The following PRMT8 variants were observed in gnomAD, a reference collection of about 807,000 sequenced individuals.
The protein encoded by PRMT8 is protein arginine methyltransferase 8.
A neutral mutation model predicts 47.1 loss-of-function variants in PRMT8; 7 were observed. That is an observed-to-expected ratio of 0.15 (90% CI 0.08 to 0.28). PRMT8 has a LOEUF of 0.28. Among genes scored for constraint, PRMT8 ranks in the 10% least tolerant of loss-of-function variants. PRMT8 has a pLI of 1.00. For missense variants in PRMT8, 237 were observed against 505.4 expected (o/e 0.47, Z 5.09); for synonymous variants, 188 against 186.5 (o/e 1.01, Z -0.07).
At chr12:3,519,248 A>T (rs1319120961) in intron 1 of PRMT8, among the ~76,000 whole-genome samples, 1 of 152,178 alleles carries the variant, frequency 6.6e-6, no homozygotes, top group Non-Finnish European at 1.5e-5. Context: ...AGAGAGAGAA[A>T]AAGAAAATAA....
intron 1 of PRMT8, among the ~76,000 whole-genome samples, chr12:3,450,572 A>G (rs1427882833): frequency 6.6e-6 from 1 of 152,236 alleles, no homozygotes; most frequent in Non-Finnish European, 1.5e-5. Context: ...TAATTTTGAG[A>G]AAATGGCTAT....
rs1234899189 is a variant in PRMT8, at chr12:3,552,426, G to A, written c.418-1225G>A. ...TCGACTTCTCTCGGGAGGACACTGA[G>A]GCGCAGTTAGGAAGGGCAGTGGCCA... On this transcript the variant is annotated intron_variant, in intron 3 of 9. Coordinates refer to ENST00000382622, the MANE Select transcript of PRMT8 (RefSeq NM_019854.5). This position sits in a 1 kb window ranked among gnomAD's most constrained non-coding sequence, Gnocchi z 4.5. The A allele has an allele frequency of 4.2e-6, 1 of 237,096 alleles. No individual in the cohort carries two copies. The highest frequency in any genetic ancestry group is 8.6e-6 in the Non-Finnish European group (1 of 116,318). The allele number at this position is 237,096 out of a possible 1,614,324, so 14.7% of individuals were successfully genotyped here. A position where few individuals can be genotyped will look rare whatever the true frequency, so the allele number is the denominator to read the frequency against.
chr12:3,546,035 C>A (rs182344000), intron 2 of PRMT8, among the ~76,000 whole-genome samples: 1 of 152,244 alleles, frequency 6.6e-6, no homozygotes. Flanking sequence ...AAACTGAGAA[C>A]AATAAACTAT....
chr12:3,469,302 TG>T (rs1865136472), intron 1 of PRMT8: 1 of 428,392 alleles, frequency 2.3e-6, no homozygotes, highest in African/African-American at 2.0e-5. Context: ...TGTAAGGAGC[TG>T]AGTCCTTAAG....
Position 3,509,876 on chromosome 12 carries a change from A to G in PRMT8, c.75+18176A>G, listed in dbSNP as rs78020065. ...AGAGGTTTTTAATCAATGCAAACTG[A>G]GTAACAGATTTTCGCATAGACAAGT... On this transcript the variant is annotated intron_variant, in intron 1 of 9. Coordinates refer to ENST00000382622, the MANE Select transcript of PRMT8 (RefSeq NM_019854.5). Among the ~76,000 whole-genome samples, 173 of 152,342 alleles carry G rather than the reference A, an allele frequency of 1.1e-3. No homozygotes were observed. The East Asian group carries it at 0.028, about 25-fold the overall frequency.
chr12:3,527,506 G>T (rs947052438), intron 1 of PRMT8, among the ~76,000 whole-genome samples: 2 of 152,022 alleles, frequency 1.3e-5, no homozygotes, highest in Admixed American at 6.6e-5. Flanking sequence ...TCAGACAATG[G>T]TTGATATCTG....
chr12:3,533,966 A>G (rs1366984415), intron 1 of PRMT8, among the ~76,000 whole-genome samples: 2 of 152,258 alleles, frequency 1.3e-5, no homozygotes, highest in East Asian at 3.8e-4. Flanking sequence ...CAGCCTGGTG[A>G]GTAAACACAG....
At chr12:3,489,694 A>G (rs544003888), upstream of PRMT8, among the ~76,000 whole-genome samples, 2 of 152,170 alleles carry the variant, frequency 1.3e-5, no homozygotes, top group South Asian at 4.1e-4. Flanking sequence ...GAACGGGAGG[A>G]ACGACTGGGT....
At chr12:3,495,551 C>T (rs1865491726) in intron 1 of PRMT8, among the ~76,000 whole-genome samples, 1 of 152,214 alleles carries the variant, frequency 6.6e-6, no homozygotes, top group African/African-American at 2.4e-5. Context: ...TCCTCTCTCC[C>T]CAGGGAGGGG....
chr12:3,528,683 C>A (rs1411369438), intron 1 of PRMT8, among the ~76,000 whole-genome samples: 1 of 151,438 alleles, frequency 6.6e-6, no homozygotes, highest in African/African-American at 2.4e-5. Context: ...GTAGTATTTT[C>A]TTGCTTCTTT....
chr12:3,411,524 T>G (rs1864429814), intron 1 of PRMT8, among the ~76,000 whole-genome samples: 1 of 152,224 alleles, frequency 6.6e-6, no homozygotes, highest in African/African-American at 2.4e-5. Context: ...AACCCCTGTA[T>G]GTGCTGTATG....
intron 1 of PRMT8, among the ~76,000 whole-genome samples, chr12:3,528,948 G>T (rs1865985642): frequency 6.6e-6 from 1 of 152,156 alleles, no homozygotes; most frequent in African/African-American, 2.4e-5. Flanking sequence ...TACTCTGGCT[G>T]GGGAGAGCAA....
chr12:3,435,597 C>T (rs1311066055), intron 1 of PRMT8, among the ~76,000 whole-genome samples: 2 of 150,250 alleles, frequency 1.3e-5, no homozygotes, highest in Middle Eastern at 3.2e-3. Context: ...TGTTGGCTCA[C>T]TGCAAGCTCC....
chr12:3,397,754 C>A (rs1028104772), intron 1 of PRMT8, among the ~76,000 whole-genome samples: 18 of 152,182 alleles, frequency 1.2e-4, no homozygotes, highest in African/African-American at 2.9e-4. Context: ...TCGTGCTTCC[C>A]GGCTGCTTTG....
At chr12:3,531,577 A>T (rs1866031234) in intron 1 of PRMT8, among the ~76,000 whole-genome samples, 2 of 152,088 alleles carry the variant, frequency 1.3e-5, no homozygotes, top group Non-Finnish European at 1.5e-5. Context: ...TGTGGGTGCA[A>T]TGCCATTTTG....
In PRMT8 at chr12:3,569,411, T is replaced by C; in HGVS notation, c.625-66T>C. ...CTTGTCTGGTGACTCTATGTGCAGT[T>C]CAAAATGTGATGTCTTTGTCAGGTG... On this transcript the variant is annotated intron_variant, in intron 5 of 9. Transcript: ENST00000382622. The surrounding 1 kb of genome is among the most constrained non-coding windows in gnomAD (Gnocchi z 8.2). The C allele has an allele frequency of 7.3e-7, 1 of 1,370,812 alleles. No individual in the cohort carries two copies. The highest frequency in any genetic ancestry group is 1.0e-6 in the Non-Finnish European group (1 of 958,142). 84.9% of individuals were successfully genotyped at this position (1,370,812 alleles called of 1,614,324 possible).
chr12:3,407,136 G>A (rs1201024127), intron 1 of PRMT8, among the ~76,000 whole-genome samples: 2 of 152,076 alleles, frequency 1.3e-5, no homozygotes, highest in African/African-American at 4.8e-5. Flanking sequence ...CTGAGCAAAG[G>A]GGGAAAAGCC....
At chr12:3,533,597 G>A (rs1427235357) in intron 1 of PRMT8, among the ~76,000 whole-genome samples, 1 of 152,202 alleles carries the variant, frequency 6.6e-6, no homozygotes, top group Non-Finnish European at 1.5e-5. Context: ...TTCCAGCCCC[G>A]AGGGTAAGAA....
intron 1 of PRMT8, among the ~76,000 whole-genome samples, chr12:3,397,349 C>T (rs1864262643): frequency 4.6e-5 from 7 of 151,224 alleles, no homozygotes; most frequent in Non-Finnish European, 7.4e-5. Context: ...GTTTTATCTA[C>T]TTTTGGTCTT....
Sources: gnomAD v4.1 joint callset for allele counts (sites outside exome capture counted in the v4.1 genomes callset) on GRCh38, gnomAD v4.1.1 for gene constraint, Gnocchi (gnomAD v3.1) non-coding constraint, MANE v1.5 for transcripts, NCBI Gene and HGNC (gene_info 2026-07-23, HGNC 2026-07-21) for gene names.